Variants in FAM53C observed in about 807,000 individuals in gnomAD.
FAM53C encodes the protein family with sequence similarity 53 member C.
A neutral mutation model predicts 34.7 loss-of-function variants in FAM53C; 10 were observed. That is an observed-to-expected ratio of 0.29 (90% CI 0.18 to 0.49). FAM53C has a LOEUF of 0.49. FAM53C is among the 20% of genes least tolerant of loss of function. The pLI is 0.99. For missense variants in FAM53C, 442 were observed against 515.3 expected (o/e 0.86, Z 1.38); for synonymous variants, 203 against 203.6 (o/e 1.00, Z 0.03).
chr5:138,346,225 T>G (rs533795176), intron 4 of FAM53C, among the ~76,000 whole-genome samples: 1 of 152,374 alleles, frequency 6.6e-6, no homozygotes, highest in East Asian at 1.9e-4. Context: ...TGACTCTGAC[T>G]AGGCACTGGC....
upstream of FAM53C, chr5:138,337,781 G>A: frequency 5.2e-6 from 2 of 388,100 alleles, no homozygotes; most frequent in Non-Finnish European, 9.5e-6. Context: ...TTCACGCCGC[G>A]GACGGGTCCT....
At chr5:138,341,572 G>A (rs1761035387) in intron 2 of FAM53C, 159 bp downstream of exon 2, 2 of 797,738 alleles carry the variant, frequency 2.5e-6, no homozygotes, top group South Asian at 1.6e-5. Context: ...AAGGAAGGGG[G>A]CAGGGATTTT....
chr5:138,338,615 C>T (rs1760905157), intron 1 of FAM53C, among the ~76,000 whole-genome samples: 1 of 142,314 alleles, frequency 7.0e-6, no homozygotes, highest in Non-Finnish European at 1.6e-5. Flanking sequence ...CGGGGACCAG[C>T]GGACGCCCCA....
rs1011795740 is a variant in FAM53C, at chr5:138,347,191, C to T, written c.*232C>T. 8 of 583,002 alleles carry T rather than the reference C, an allele frequency of 1.4e-5. No individual in the cohort carries two copies. The highest frequency in any genetic ancestry group is 3.1e-5 in the East Asian group (1 of 31,814). The allele number at this position is 583,002 out of a possible 1,614,324, so 36.1% of individuals were successfully genotyped here. On this transcript the variant is annotated 3_prime_UTR_variant, in exon 5 of 5. Transcript: ENST00000239906. ...GGGACAGCCCCAGAGCAGACCCTTCCTATGGCGGCCCTGAGTGTGAGTATC... is the reference window on the plus strand; with the variant it reads ...GGGACAGCCCCAGAGCAGACCCTTCTTATGGCGGCCCTGAGTGTGAGTATC...
chr5:138,344,233 GTT>G (rs1761107210), intron 3 of FAM53C, among the ~76,000 whole-genome samples: 1 of 152,180 alleles, frequency 6.6e-6, no homozygotes, highest in South Asian at 2.1e-4. Context: ...CCAAGCCCAG[GTT>G]TCACTGTCAA....
chr5:138,348,243 G>C lies in FAM53C; in HGVS notation c.*1284G>C, dbSNP rs1263825545. 5.2e-5 allele frequency: 8 copies of C among 152,716 alleles called. No individual in the cohort carries two copies. The highest frequency in any genetic ancestry group is 1.9e-4 in the African/African-American group (8 of 41,462). The allele number at this position is 152,716 out of a possible 1,614,324, so 9.5% of individuals were successfully genotyped here. ...GCTGAGGATGTATAAAGCAAAGGCT[G>C]TGAGAAGCAGTTGGGAGTTTGGTTG... On this transcript the variant is annotated 3_prime_UTR_variant, in exon 5 of 5. Transcript: ENST00000239906.
intron 1 of FAM53C, among the ~76,000 whole-genome samples, chr5:138,339,224 A>G (rs1485104168): frequency 6.6e-6 from 1 of 152,122 alleles, no homozygotes; most frequent in East Asian, 1.9e-4. Flanking sequence ...GCGGCAAGAG[A>G]GGGCTTCTTA....
At chr5:138,343,597 G>A (rs1042838067) in intron 3 of FAM53C, 3 of 152,022 alleles carry the variant, frequency 2.0e-5, no homozygotes, top group Non-Finnish European at 4.4e-5. Context: ...TATATCTGAG[G>A]TATAAATTCG....
chr5:138,341,259 A>G lies in FAM53C; in HGVS notation c.-77A>G. The G allele has an allele frequency of 8.0e-7, 1 of 1,248,182 alleles. No individual in the cohort carries two copies. The highest frequency in any genetic ancestry group is 1.2e-6 in the Non-Finnish European group (1 of 846,466). The allele number at this position is 1,248,182 out of a possible 1,614,324, so 77.3% of individuals were successfully genotyped here. On this transcript the variant is annotated 5_prime_UTR_variant, in exon 2 of 5. Coordinates refer to ENST00000239906, the MANE Select transcript of FAM53C (RefSeq NM_016605.3). ...CTGCAGTGGCAGAAGACGGCTCACA[A>G]GTGAGGTCTGGAAGAACAACAGGGA...
In FAM53C at chr5:138,345,585, G is replaced by T. The variant is rs775082801; in HGVS notation, c.897G>T (p.Ser299=). Reference sequence around the variant, plus strand: ...AAGACCCCCGGCGTCTGCGGCCTTCGTTGGACTTTGACAAGATGAATCAGG... The same window carrying T: ...AAGACCCCCGGCGTCTGCGGCCTTCTTTGGACTTTGACAAGATGAATCAGG... The part of the protein sequence containing the change: ...HEEDPRRLRP[S]LDFDKMNQKP... Residue 299 remains serine (S), a synonymous_variant, in exon 4 of 5, where the codon TCG becomes TCT. Transcript: ENST00000239906. The surrounding 1 kb of genome is among the most constrained non-coding windows in gnomAD (Gnocchi z 6.3). The T allele has an allele frequency of 1.2e-6, 2 of 1,612,778 alleles. No individual in the cohort carries two copies. Among genetic ancestry groups the T allele is most frequent in the South Asian group, 1.1e-5 (1 of 91,002 alleles).
chr5:138,345,626 T>G lies in FAM53C; in HGVS notation c.921+17T>G, dbSNP rs370906797. On this transcript the variant is annotated intron_variant, in intron 4 of 4. Transcript: ENST00000239906. This position sits in a 1 kb window ranked among gnomAD's most constrained non-coding sequence, Gnocchi z 6.3. ...ATGAATCAGGTGGGACCAGCAAGAC[T>G]AGGGGAGCTTAGATGGGAGTGTGGG... The G allele has an allele frequency of 4.9e-5, 78 of 1,598,594 alleles. No individual in the cohort carries two copies. In the African/African-American group the frequency reaches 9.6e-4, roughly 20 times the overall value.
intron 3 of FAM53C, 26 bp downstream of exon 3, chr5:138,341,892 C>CGT (rs775705787): frequency 1.2e-6 from 2 of 1,609,490 alleles, no homozygotes; most frequent in South Asian, 2.2e-5. Flanking sequence ...TGTTTGTGTA[C>CGT]GTGTGTGTAC....
upstream of FAM53C, chr5:138,337,746 G>A (rs546131334): frequency 5.7e-6 from 2 of 348,600 alleles, no homozygotes; most frequent in Middle Eastern, 1.0e-3. Flanking sequence ...CCTAATCCGC[G>A]CTTGGACCAC....
intron 3 of FAM53C, chr5:138,343,772 GTTCA>G (rs750301923): frequency 1.3e-5 from 2 of 152,168 alleles, no homozygotes; most frequent in Non-Finnish European, 2.9e-5. Context: ...GCAAAAACAT[GTTCA>G]TTCAGTCTCT....
In FAM53C at chr5:138,347,475, G is replaced by A. The variant is rs948765316; in HGVS notation, c.*516G>A. On this transcript the variant is annotated 3_prime_UTR_variant, in exon 5 of 5. Coordinates refer to ENST00000239906, the MANE Select transcript of FAM53C (RefSeq NM_016605.3). ...CAGCAGAGTATCATGATACCCCCAG[G>A]ATCTTGAGTTTTTTACAGGATGTTG... is the stretch of plus-strand genomic sequence containing the variant. The A allele has an allele frequency of 1.2e-5, 2 of 160,568 alleles. No individual in the cohort carries two copies. Among genetic ancestry groups the A allele is most frequent in the African/African-American group, 4.8e-5 (2 of 41,450 alleles). 9.9% of individuals were successfully genotyped at this position (160,568 alleles called of 1,614,324 possible).
Position 138,346,969 on chromosome 5 carries a change from G to T in FAM53C, c.*10G>T. ...GATTGAGGAAAACTAAAACTGAGAG[G>T]CTACTTCCTGGGGCCACACAGACTG... On this transcript the variant is annotated 3_prime_UTR_variant, in exon 5 of 5. Transcript: ENST00000239906. The T allele has an allele frequency of 6.2e-7, 1 of 1,613,900 alleles. No individual in the cohort carries two copies. Among genetic ancestry groups the T allele is most frequent in the Non-Finnish European group, 8.5e-7 (1 of 1,179,992 alleles).
rs1333836774 is a variant in FAM53C at position 138,346,754 on chromosome 5, G to C, written c.974G>C (p.Ser325Thr). The change falls in exon 5 of 5, where the codon AGC becomes ACC. Residue 325 changes from serine (S) to threonine (T), a missense_variant. Physicochemically the swap from Ser to Thr is moderately conservative, Grantham distance 58 (BLOSUM62 1). Transcript: ENST00000239906. ...CLQETAREGSSISPPWFMACS... is the reference protein window; with the variant it reads ...CLQETAREGSTISPPWFMACS... ...CAAGAAACAGCCCGGGAAGGCAGCA[G>C]CATCTCTCCACCATGGTTCATGGCC... is the stretch of plus-strand genomic sequence containing the variant. 1.2e-6 allele frequency: 2 copies of C among 1,614,084 alleles called. No homozygotes were observed. Among genetic ancestry groups the C allele is most frequent in the African/African-American group, 2.7e-5 (2 of 74,948 alleles).
chr5:138,340,652 CTG>C (rs1174854922), intron 1 of FAM53C, among the ~76,000 whole-genome samples: 3 of 152,350 alleles, frequency 2.0e-5, no homozygotes, highest in South Asian at 2.1e-4. Flanking sequence ...AAAACAAACA[CTG>C]TATCTATTGG....
In FAM53C at chr5:138,347,771, C is replaced by T. The variant is rs551460129; in HGVS notation, c.*812C>T. The T allele has an allele frequency of 2.0e-4, 31 of 152,748 alleles. No homozygotes were observed. Among genetic ancestry groups the T allele is most frequent in the African/African-American group, 5.1e-4 (21 of 41,498 alleles). 9.5% of individuals were successfully genotyped at this position (152,748 alleles called of 1,614,324 possible). A position where few individuals can be genotyped will look rare whatever the true frequency, so the allele number is the denominator to read the frequency against. On this transcript the variant is annotated 3_prime_UTR_variant, in exon 5 of 5. Transcript: ENST00000239906. ...GGCCTTTTTTTCTCATCAGATTGTC[C>T]AGGCTATATTCCACCTGCCTCTTTT...
Sources: gnomAD v4.1 joint callset for allele counts (sites outside exome capture counted in the v4.1 genomes callset) on GRCh38, gnomAD v4.1.1 for gene constraint, Gnocchi (gnomAD v3.1) non-coding constraint, MANE v1.5 for transcripts, NCBI Gene and HGNC (gene_info 2026-07-23, HGNC 2026-07-21) for gene names.